The following ATRNL1 variants were observed in gnomAD, a reference collection of about 807,000 sequenced individuals.
The protein encoded by ATRNL1 is attractin-like protein 1.
Under a neutral mutation model 182.7 loss-of-function variants are expected in ATRNL1, and 95 were observed. That is an observed-to-expected ratio of 0.52 (90% CI 0.44 to 0.62). The LOEUF is 0.62. Among genes scored for constraint, ATRNL1 ranks in the 20% least tolerant of loss-of-function variants. ATRNL1 has a pLI of 0.00. For missense variants in ATRNL1, 1,471 were observed against 1,679.5 expected, an observed-to-expected ratio of 0.88 and a Z score of 2.17; for synonymous variants, 576 against 568.3, an observed-to-expected ratio of 1.01 and a Z score of -0.19.
At chr10:115,615,305 T>C (rs1555020420) in intron 26 of ATRNL1, among the ~76,000 whole-genome samples, 2 of 152,196 alleles carry the variant, frequency 1.3e-5, no homozygotes, top group African/African-American at 2.4e-5. Flanking sequence ...TAGTGATGAA[T>C]TCCCTCAGTT....
At chr10:115,459,261 A>G (rs1847676887) in intron 21 of ATRNL1, among the ~76,000 whole-genome samples, 1 of 152,180 alleles carries the variant, frequency 6.6e-6, no homozygotes, top group Non-Finnish European at 1.5e-5. Flanking sequence ...AGAACAGAAT[A>G]ACAGCAATTG....
chr10:115,155,191 A>G (rs1263787651), intron 5 of ATRNL1, among the ~76,000 whole-genome samples: 1 of 151,312 alleles, frequency 6.6e-6, no homozygotes, highest in African/African-American at 2.4e-5. Flanking sequence ...ATATGTCTTT[A>G]CAGGTGGTAT....
intron 3 of ATRNL1, among the ~76,000 whole-genome samples, chr10:115,123,906 A>G (rs1554872521): frequency 6.6e-6 from 1 of 151,726 alleles, no homozygotes; most frequent in African/African-American, 2.4e-5. Flanking sequence ...ATGAGGTTCT[A>G]ATGCCTGATG....
At chr10:115,624,304 TTA>T (rs1156776360) in intron 26 of ATRNL1, among the ~76,000 whole-genome samples, 48 of 152,198 alleles carry the variant, frequency 3.2e-4, no homozygotes, top group African/African-American at 1.1e-3. Context: ...CATGTTTAAA[TTA>T]TGTTTTCTAA....
chr10:115,448,916 A>G (rs1461970535), intron 21 of ATRNL1, among the ~76,000 whole-genome samples: 1 of 152,114 alleles, frequency 6.6e-6, no homozygotes, highest in African/African-American at 2.4e-5. Context: ...ATGAATTCAC[A>G]GATGAATTCA....
chr10:115,821,103 C>A (rs1565408861), intron 27 of ATRNL1, among the ~76,000 whole-genome samples: 1 of 152,084 alleles, frequency 6.6e-6, no homozygotes, highest in Non-Finnish European at 1.5e-5. Flanking sequence ...CTGAGGCCTC[C>A]CTCACCATGT....
chr10:115,916,563 A>C (rs1952859077), intron 28 of ATRNL1, among the ~76,000 whole-genome samples: 1 of 152,244 alleles, frequency 6.6e-6, no homozygotes, highest in Non-Finnish European at 1.5e-5. Flanking sequence ...TATAGGTTAT[A>C]GCACTTGGCT....
intron 25 of ATRNL1, among the ~76,000 whole-genome samples, chr10:115,541,837 G>A (rs1852377649): frequency 1.3e-5 from 2 of 152,068 alleles, no homozygotes; most frequent in African/African-American, 2.4e-5. Context: ...AGGAGAGAAT[G>A]AATTAAGTTC....
At chr10:115,729,496 TG>T (rs1947720957) in intron 27 of ATRNL1, among the ~76,000 whole-genome samples, 4 of 992 alleles carry the variant, frequency 4.0e-3, no homozygotes, top group Non-Finnish European at 0.04. Context: ...TACCCCATTT[TG>T]TGTGTGTGTG....
chr10:115,141,538 T>C (rs1295461482), intron 5 of ATRNL1, among the ~76,000 whole-genome samples: 5 of 152,120 alleles, frequency 3.3e-5, no homozygotes, highest in African/African-American at 4.8e-5. Flanking sequence ...CTTAGAAAAA[T>C]GTAAAAACTT....
At chr10:115,819,154 C>T (rs1555089472) in intron 27 of ATRNL1, among the ~76,000 whole-genome samples, 1 of 152,080 alleles carries the variant, frequency 6.6e-6, no homozygotes, top group African/African-American at 2.4e-5. Context: ...ATTTCAACCA[C>T]ACTCCATATG....
intron 26 of ATRNL1, among the ~76,000 whole-genome samples, chr10:115,598,378 T>TTTATTTATTTATTTA (rs1565201604): frequency 2.0e-5 from 3 of 151,246 alleles, no homozygotes; most frequent in Non-Finnish European, 2.9e-5. Flanking sequence ...TATTTATTTA[T>TTTATTTATTTATTTA]TTTGAGACGG....
intron 28 of ATRNL1, among the ~76,000 whole-genome samples, chr10:115,897,385 C>T (rs1281798260): frequency 1.3e-5 from 2 of 151,900 alleles, no homozygotes; most frequent in African/African-American, 4.8e-5. Flanking sequence ...ATCTAGCAAC[C>T]CCTCTTAGGA....
intron 27 of ATRNL1, among the ~76,000 whole-genome samples, chr10:115,839,470 A>C (rs1384725538): frequency 1.3e-5 from 2 of 152,158 alleles, no homozygotes; most frequent in South Asian, 4.1e-4. Context: ...CCCTCTTTAC[A>C]GAATATTTCC....
intron 3 of ATRNL1, among the ~76,000 whole-genome samples, chr10:115,125,605 G>A (rs1844935988): frequency 6.6e-6 from 1 of 152,014 alleles, no homozygotes; most frequent in East Asian, 1.9e-4. Flanking sequence ...TTCTTGCAGA[G>A]ACTACCTGGG....
chr10:115,600,097 T>C (rs1320247273), intron 26 of ATRNL1, among the ~76,000 whole-genome samples: 2 of 152,158 alleles, frequency 1.3e-5, no homozygotes, highest in African/African-American at 4.8e-5. Context: ...GTGTGTGTTT[T>C]TTTCCTGTCT....
At chr10:115,908,577 C>T (rs1488528267) in intron 28 of ATRNL1, among the ~76,000 whole-genome samples, 1 of 152,194 alleles carries the variant, frequency 6.6e-6, no homozygotes, top group Non-Finnish European at 1.5e-5. Context: ...TTCGTTTAAT[C>T]ACTTCTGTAA....
chr10:115,185,626 G>T (rs1046228812), intron 8 of ATRNL1, among the ~76,000 whole-genome samples: 2 of 151,982 alleles, frequency 1.3e-5, no homozygotes, highest in African/African-American at 2.4e-5. Context: ...AAATCATTTT[G>T]CAAAAGTCAT....
chr10:115,456,920 C>T (rs1164730324), intron 21 of ATRNL1, among the ~76,000 whole-genome samples: 1 of 151,924 alleles, frequency 6.6e-6, no homozygotes, highest in Non-Finnish European at 1.5e-5. Context: ...TTTTTTGCTC[C>T]CGTTGTTCGG....
Sources: gnomAD v4.1 joint callset for allele counts (sites outside exome capture counted in the v4.1 genomes callset) on GRCh38, gnomAD v4.1.1 for gene constraint, MANE v1.5 for transcripts, NCBI Gene and HGNC (gene_info 2026-07-23, HGNC 2026-07-21) for gene names.